Variants in CPNE4 observed in about 807,000 individuals in gnomAD.
CPNE4 encodes copine-4.
A neutral mutation model predicts 67.9 loss-of-function variants in CPNE4; 25 were observed. The observed-to-expected ratio is 0.37, with a 90% CI of 0.27 to 0.51. The LOEUF is 0.51. Among genes scored for constraint, CPNE4 ranks in the 20% least tolerant of loss-of-function variants. The pLI is 0.93. For missense variants in CPNE4, 464 were observed against 690.8 expected (o/e 0.67, Z 3.68); for synonymous variants, 242 against 244.9 (o/e 0.99, Z 0.11).
chr3:131,636,713 C>T (rs1306097482), intron 7 of CPNE4, among the ~76,000 whole-genome samples: 1 of 152,244 alleles, frequency 6.6e-6, no homozygotes, highest in Non-Finnish European at 1.5e-5. Flanking sequence ...GCGCAACCTC[C>T]TGGCTGGAGG....
At chr3:131,536,906 C>T (rs1456503557) in intron 15 of CPNE4, among the ~76,000 whole-genome samples, 2 of 152,204 alleles carry the variant, frequency 1.3e-5, no homozygotes, top group Admixed American at 6.5e-5. Context: ...GATTTTCCAG[C>T]TTCCTTTACA....
intron 2 of CPNE4, among the ~76,000 whole-genome samples, chr3:131,784,452 C>T (rs1054722427): frequency 6.6e-6 from 1 of 152,112 alleles, no homozygotes; most frequent in Non-Finnish European, 1.5e-5. Context: ...CTCTTTGCTT[C>T]TCAGCCTCTG....
At chr3:131,613,398 C>T (rs576817875) in intron 7 of CPNE4, among the ~76,000 whole-genome samples, 8 of 152,292 alleles carry the variant, frequency 5.3e-5, no homozygotes, top group Admixed American at 1.3e-4. Context: ...AAGACCCCAA[C>T]ATCCTATGGA....
chr3:131,535,226 A>G lies in CPNE4; in HGVS notation c.1643T>C (p.Met548Thr). The change falls in exon 16 of 16, where the codon ATG becomes ACG. Residue 548 changes from methionine to threonine, a missense_variant. Around this residue, in one of 6 missense-constraint regions of CPNE4, gnomAD observed 201 missense variants for 357.7 expected, o/e 0.56. Transcript: ENST00000429747. ...TGCTAGTGTTCTGGAAGATTCATAC[A>G]TTTCTGATGAACATTTTGGTTTAAT... ...KGIKPKCSSE[M>T]YESSRTLAP is the part of the protein sequence containing the mutation. 1.2e-6 allele frequency: 2 copies of G among 1,613,570 alleles called. No homozygotes were observed. The highest frequency in any genetic ancestry group is 1.7e-6 in the Non-Finnish European group (2 of 1,179,924).
At chr3:131,538,564 T>G (rs932522833) in intron 15 of CPNE4, among the ~76,000 whole-genome samples, 2 of 152,242 alleles carry the variant, frequency 1.3e-5, no homozygotes, top group Non-Finnish European at 2.9e-5. Context: ...TTGCAATGCA[T>G]GTATCATTTA....
chr3:131,950,972 C>A (rs746438754), intron 1 of CPNE4, among the ~76,000 whole-genome samples: 2 of 152,146 alleles, frequency 1.3e-5, no homozygotes, highest in African/African-American at 4.8e-5. Flanking sequence ...CCTGTTGATG[C>A]TTTTTGTTCA....
chr3:131,633,410 C>T (rs2079286230), intron 7 of CPNE4, among the ~76,000 whole-genome samples: 1 of 152,054 alleles, frequency 6.6e-6, no homozygotes, highest in Non-Finnish European at 1.5e-5. Flanking sequence ...TAAAAGTTGA[C>T]CTCTGGTTAG....
At chr3:131,972,548 G>A (rs1048795780) in intron 1 of CPNE4, among the ~76,000 whole-genome samples, 7 of 152,170 alleles carry the variant, frequency 4.6e-5, no homozygotes, top group African/African-American at 1.4e-4. Context: ...TGCTCTCATG[G>A]AACAAACGGT....
At chr3:131,780,169 G>C (rs2083397324) in intron 2 of CPNE4, among the ~76,000 whole-genome samples, 1 of 152,056 alleles carries the variant, frequency 6.6e-6, no homozygotes, top group African/African-American at 2.4e-5. Flanking sequence ...TTATTAAAAA[G>C]TCAAAAAATA....
At chr3:131,979,338 A>T (rs138522348) in intron 1 of CPNE4, among the ~76,000 whole-genome samples, 1 of 152,204 alleles carries the variant, frequency 6.6e-6, no homozygotes, top group East Asian at 1.9e-4. Context: ...TAGGTCTATT[A>T]GTAATTGTTT....
At chr3:131,784,102 T>G (rs144898608) in intron 2 of CPNE4, among the ~76,000 whole-genome samples, 1 of 152,126 alleles carries the variant, frequency 6.6e-6, no homozygotes, top group Non-Finnish European at 1.5e-5. Flanking sequence ...GTATATTTAA[T>G]AAACAATGTC....
At chr3:132,017,228 G>A (rs1397835274) in intron 1 of CPNE4, among the ~76,000 whole-genome samples, 2 of 152,048 alleles carry the variant, frequency 1.3e-5, no homozygotes, top group African/African-American at 4.8e-5. Flanking sequence ...GGATATAAAG[G>A]AAGAAAAGAC....
chr3:131,973,271 T>C (rs1426833415), intron 1 of CPNE4, among the ~76,000 whole-genome samples: 2 of 152,172 alleles, frequency 1.3e-5, no homozygotes, highest in African/African-American at 4.8e-5. Context: ...TTGAAAGAAT[T>C]CCTGTCATTT....
chr3:132,004,634 A>G (rs1364999303), intron 1 of CPNE4, among the ~76,000 whole-genome samples: 1 of 152,160 alleles, frequency 6.6e-6, no homozygotes, highest in Non-Finnish European at 1.5e-5. Flanking sequence ...AAGAAAGAAA[A>G]TGAAACAATT....
At chr3:132,024,347 G>A (rs546210734) in intron 1 of CPNE4, among the ~76,000 whole-genome samples, 82 of 152,294 alleles carry the variant, frequency 5.4e-4, no homozygotes, top group Non-Finnish European at 1.0e-3. Flanking sequence ...ACCTCCCAAA[G>A]TGTTGGGATT....
At chr3:131,942,482 G>C (rs59236927) in intron 1 of CPNE4, among the ~76,000 whole-genome samples, 2 of 102,898 alleles carry the variant, frequency 1.9e-5, no homozygotes, top group Admixed American at 8.9e-5. Context: ...GAGAGAGAGA[G>C]AGAGAGAGAG....
At chr3:132,015,291 T>C (rs2073864543) in intron 1 of CPNE4, among the ~76,000 whole-genome samples, 1 of 152,196 alleles carries the variant, frequency 6.6e-6, no homozygotes, top group Admixed American at 6.5e-5. Context: ...AATAAAATAA[T>C]ATCAAAATTT....
chr3:131,698,249 AAAAAG>A (rs1323575577), intron 4 of CPNE4, among the ~76,000 whole-genome samples: 1,984 of 149,050 alleles, frequency 0.013, 48 homozygotes, highest in African/African-American at 0.034. Context: ...AAAAAAAAAA[AAAAAG>A]AAAGAAAAGA....
chr3:131,886,226 C>T (rs991687860), intron 2 of CPNE4, among the ~76,000 whole-genome samples: 2 of 152,206 alleles, frequency 1.3e-5, no homozygotes, highest in African/African-American at 4.8e-5. Flanking sequence ...CTGAAAGGGG[C>T]CAATGTGGAG....
Sources: gnomAD v4.1 joint callset for allele counts (sites outside exome capture counted in the v4.1 genomes callset) on GRCh38, gnomAD v4.1.1 for gene constraint, gnomAD v4.1.1 regional missense constraint, MANE v1.5 for transcripts, NCBI Gene and HGNC (gene_info 2026-07-23, HGNC 2026-07-21) for gene names.